Variants in MLLT3 observed in about 807,000 individuals in gnomAD.
The protein encoded by MLLT3 is MLLT3 super elongation complex subunit.
In MLLT3, 4 loss-of-function variants were observed where a neutral mutation model predicts 53.2. The observed-to-expected ratio is 0.08, with a 90% confidence interval of 0.04 to 0.17. The LOEUF (loss-of-function observed/expected upper bound fraction) is 0.17. Among genes scored for constraint, MLLT3 ranks in the 10% least tolerant of loss-of-function variants. The probability of loss-of-function intolerance (pLI) is 1.00; values close to 1 mark genes in which losing one functional copy is unlikely to be tolerated. For synonymous variants in MLLT3, 283 were observed against 230.6 expected (o/e 1.23, Z -2.06); for missense variants, 569 against 684.0 (o/e 0.83, Z 1.87).
Position 20,451,235 on chromosome 9 carries a change from G to C in MLLT3, c.277-2969C>G, listed in dbSNP as rs971986355. Reference sequence around the variant, plus strand: ...ATGCAAATACATGGAGGGAAATCTGGGAAGACTGTACCAAATAGTCAACAA... The same window carrying C: ...ATGCAAATACATGGAGGGAAATCTGCGAAGACTGTACCAAATAGTCAACAA... On this transcript the variant is annotated intron_variant, in intron 3 of 10. Transcript: ENST00000380338. Among the ~76,000 whole-genome samples, 3 of 152,116 alleles carry C rather than the reference G, an allele frequency of 2.0e-5. No homozygotes were observed. The Middle Eastern group carries it at 0.01, about 517-fold the overall frequency.
rs186614588 is a variant in MLLT3 at position 20,475,830 on chromosome 9, T to C, written c.194-19044A>G. Among the ~76,000 whole-genome samples, 472 of 152,182 alleles carry C rather than the reference T, an allele frequency of 3.1e-3. 4 individuals are homozygous for C. The highest frequency in any genetic ancestry group is 0.011 in the African/African-American group (454 of 41,542). On this transcript the variant is annotated intron_variant, in intron 2 of 10. Coordinates refer to ENST00000380338, the MANE Select transcript of MLLT3 (RefSeq NM_004529.4). The stretch of plus-strand genomic sequence containing the variant: ...GAGTCCTCCTCCAAAATACACACAA[T>C]ATTTCATTTCAATAGGTTGAAGGGA...
At chr9:20,393,896 T>C (rs1822253805) in intron 5 of MLLT3, among the ~76,000 whole-genome samples, 1 of 152,202 alleles carries the variant, frequency 6.6e-6, no homozygotes, top group Admixed American at 6.5e-5. Flanking sequence ...TTTAAACATA[T>C]ATAATAAATT....
intron 2 of MLLT3, among the ~76,000 whole-genome samples, chr9:20,587,774 T>A (rs1340889331): frequency 6.6e-6 from 1 of 152,070 alleles, no homozygotes; most frequent in Non-Finnish European, 1.5e-5. Context: ...GAGAAAATTT[T>A]CTCCCATTTT....
chr9:20,493,362 A>G (rs1427112113), intron 2 of MLLT3, among the ~76,000 whole-genome samples: 1 of 152,040 alleles, frequency 6.6e-6, no homozygotes, highest in Non-Finnish European at 1.5e-5. Context: ...AATCTGACCT[A>G]TCCAACTCCA....
At chr9:20,417,937 G>T (rs1822913962) in intron 4 of MLLT3, among the ~76,000 whole-genome samples, 1 of 152,188 alleles carries the variant, frequency 6.6e-6, no homozygotes, top group African/African-American at 2.4e-5. Flanking sequence ...ACTCATAGCT[G>T]ATTCTTGGCT....
intron 10 of MLLT3, 74 bp downstream of exon 10, chr9:20,353,451 T>C (rs545183756): frequency 3.1e-5 from 38 of 1,230,350 alleles, no homozygotes; most frequent in Admixed American, 2.4e-4. Context: ...GGCCTCCAGG[T>C]GCTATCACAC....
intron 5 of MLLT3, among the ~76,000 whole-genome samples, chr9:20,404,916 A>G (rs1482317062): frequency 6.6e-6 from 1 of 152,150 alleles, no homozygotes; most frequent in Non-Finnish European, 1.5e-5. Context: ...TTCCTGAGGA[A>G]GGAAGGAAGC....
At chr9:20,348,730 C>A (rs973207946) in intron 10 of MLLT3, among the ~76,000 whole-genome samples, 4 of 152,246 alleles carry the variant, frequency 2.6e-5, no homozygotes, top group African/African-American at 9.6e-5. Flanking sequence ...AAAAATGTAT[C>A]CAACAAGATC....
chr9:20,503,139 A>G (rs1825290709), intron 2 of MLLT3, among the ~76,000 whole-genome samples: 1 of 152,216 alleles, frequency 6.6e-6, no homozygotes, highest in African/African-American at 2.4e-5. Context: ...AAAGTGATCT[A>G]CAGATTCCCC....
chr9:20,342,358 A>C lies in MLLT3; in HGVS notation c.*4085T>G, dbSNP rs1466299130. ...ACACATACACAATGTATCTTTCAAC[A>C]TAACTACACATACACAGTCCATTAA... On this transcript the variant is annotated 3_prime_UTR_variant, in exon 11 of 11. Coordinates refer to ENST00000380338, the MANE Select transcript of MLLT3 (RefSeq NM_004529.4). 4.5e-6 allele frequency: 1 copy of C among 224,572 alleles called. No homozygotes were observed. 13.9% of individuals were successfully genotyped at this position (224,572 alleles called of 1,614,324 possible).
intron 2 of MLLT3, among the ~76,000 whole-genome samples, chr9:20,463,224 T>A (rs2118873613): frequency 6.6e-6 from 1 of 152,176 alleles, no homozygotes; most frequent in South Asian, 2.1e-4. Context: ...CACTTGTTAG[T>A]AACTTGGAAT....
intron 2 of MLLT3, among the ~76,000 whole-genome samples, chr9:20,578,064 C>A (rs1472971397): frequency 6.6e-6 from 1 of 152,146 alleles, no homozygotes; most frequent in Non-Finnish European, 1.5e-5. Context: ...GAAAAGGATT[C>A]CTTTAAGTTC....
At position 20,374,805 on chromosome 9, in the gene MLLT3, G is replaced by C. The variant is rs921017650; in HGVS notation, c.1126-9061C>G. On this transcript the variant is annotated intron_variant, in intron 5 of 10. Coordinates refer to ENST00000380338, the MANE Select transcript of MLLT3 (RefSeq NM_004529.4). ...TCATTTGCACTACCACTAGTAAGGT[G>C]AGTGATAGGAATTATGCCCCCTCTA... Among the ~76,000 whole-genome samples the C allele has an allele frequency of 2.6e-5, 4 of 152,184 alleles. No homozygotes were observed. In the East Asian group the frequency reaches 7.7e-4, roughly 29 times the overall value.
At chr9:20,608,847 A>G (rs971577292) in intron 2 of MLLT3, among the ~76,000 whole-genome samples, 3 of 152,012 alleles carry the variant, frequency 2.0e-5, no homozygotes, top group African/African-American at 7.2e-5. Context: ...TTTACTGACA[A>G]CAATAAGAAG....
At chr9:20,456,840 T>C (rs981149781) in intron 2 of MLLT3, 54 bp from the exon 3 acceptor site, 4 of 1,326,778 alleles carry the variant, frequency 3.0e-6, no homozygotes, top group Middle Eastern at 1.9e-4. Context: ...CAAAAAGACA[T>C]TCTTCTTTTA....
intron 2 of MLLT3, among the ~76,000 whole-genome samples, chr9:20,501,782 A>AAAAC (rs1825240033): frequency 6.7e-6 from 1 of 148,408 alleles, no homozygotes; most frequent in African/African-American, 2.5e-5. Flanking sequence ...AAAAAAAAAA[A>AAAAC]AAAACCGCAC....
At chr9:20,484,945 A>T (rs904037317) in intron 2 of MLLT3, among the ~76,000 whole-genome samples, 5 of 152,028 alleles carry the variant, frequency 3.3e-5, no homozygotes, top group African/African-American at 1.2e-4. Flanking sequence ...TCAAATTTAC[A>T]TAAGTCCCCT....
At position 20,436,071 on chromosome 9, in the gene MLLT3, G is replaced by T. The variant is rs562732468; in HGVS notation, c.420+12052C>A. On this transcript the variant is annotated intron_variant, in intron 4 of 10. Coordinates refer to ENST00000380338, the MANE Select transcript of MLLT3 (RefSeq NM_004529.4). Reference sequence around the variant, plus strand: ...ATCTTTTAATATCTAAGCACTCAAAGAATCACAATACCCCATGGCTTACTT... The same window carrying T: ...ATCTTTTAATATCTAAGCACTCAAATAATCACAATACCCCATGGCTTACTT... 7.9e-5 allele frequency among the ~76,000 whole-genome samples: 12 copies of T among 152,218 alleles called. No homozygotes were observed. The South Asian group carries it at 2.5e-3, about 32-fold the overall frequency.
At chr9:20,552,617 G>A (rs1226755190) in intron 2 of MLLT3, among the ~76,000 whole-genome samples, 1 of 152,048 alleles carries the variant, frequency 6.6e-6, no homozygotes, top group South Asian at 2.1e-4. Flanking sequence ...TAATAAAGAC[G>A]AGTTTTGAGT....
Sources: gnomAD v4.1 joint callset for allele counts (sites outside exome capture counted in the v4.1 genomes callset) on GRCh38, gnomAD v4.1.1 for gene constraint, MANE v1.5 for transcripts, NCBI Gene and HGNC (gene_info 2026-07-23, HGNC 2026-07-21) for gene names.